Variants in ZHX2 observed in about 807,000 individuals in gnomAD.
ZHX2 encodes the protein zinc fingers and homeoboxes protein 2.
Under a neutral mutation model 21.9 loss-of-function variants are expected in ZHX2, and 6 were observed. The ratio of observed to expected loss-of-function variants is 0.27; its 90% confidence interval spans 0.15 to 0.54. The LOEUF (loss-of-function observed/expected upper bound fraction) is 0.54. Ranked by LOEUF, ZHX2 falls within the 20% of genes least tolerant of loss-of-function variation. The pLI, the probability that ZHX2 is intolerant of heterozygous loss-of-function variation, is 0.95. For missense variants in ZHX2, 908 were observed against 1,090.7 expected (o/e 0.83, Z 2.36); for synonymous variants, 434 against 437.1 (o/e 0.99, Z 0.09).
At chr8:122,872,759 T>A (rs1035238632) in intron 2 of ZHX2, among the ~76,000 whole-genome samples, 1 of 152,196 alleles carries the variant, frequency 6.6e-6, no homozygotes, top group Non-Finnish European at 1.5e-5. Flanking sequence ...GGCGGTTCGT[T>A]CGTGTAATTG....
At chr8:122,937,164 G>A (rs200990678) in intron 2 of ZHX2, among the ~76,000 whole-genome samples, 1 of 152,244 alleles carries the variant, frequency 6.6e-6, no homozygotes, top group East Asian at 1.9e-4. Context: ...ACTCACTGCA[G>A]TTGTGGAGGA....
At chr8:122,845,115 T>C (rs1818726061) in intron 1 of ZHX2, among the ~76,000 whole-genome samples, 1 of 152,222 alleles carries the variant, frequency 6.6e-6, no homozygotes, top group Non-Finnish European at 1.5e-5. Flanking sequence ...TGGAATTTTA[T>C]TTCTCACCAG....
chr8:122,894,654 G>A (rs1388479678), intron 2 of ZHX2, among the ~76,000 whole-genome samples: 6 of 152,100 alleles, frequency 3.9e-5, no homozygotes, highest in Non-Finnish European at 2.9e-5. Flanking sequence ...TATGGGGTGC[G>A]GGGAGCGGGG....
intron 2 of ZHX2, among the ~76,000 whole-genome samples, chr8:122,937,136 G>A (rs1320011775): frequency 6.6e-6 from 1 of 152,238 alleles, no homozygotes; most frequent in Non-Finnish European, 1.5e-5. Flanking sequence ...GAGGCCCAGG[G>A]CTCAGGCCAG....
intron 2 of ZHX2, among the ~76,000 whole-genome samples, chr8:122,931,229 C>T (rs985614922): frequency 2.6e-5 from 4 of 152,200 alleles, no homozygotes; most frequent in Admixed American, 6.5e-5. Context: ...TGAGGCTCCA[C>T]GCCTGGCGCC....
intron 2 of ZHX2, among the ~76,000 whole-genome samples, chr8:122,883,074 T>C (rs1352808731): frequency 1.3e-5 from 2 of 152,136 alleles, no homozygotes; most frequent in Non-Finnish European, 2.9e-5. Flanking sequence ...ATGTCCAGAC[T>C]CTTTTCTCTG....
intron 3 of ZHX2, among the ~76,000 whole-genome samples, chr8:122,968,843 A>G (rs966853507): frequency 3.4e-4 from 5 of 14,646 alleles, no homozygotes; most frequent in South Asian, 3.7e-3. Flanking sequence ...CCATCTTGGA[A>G]AAAAAAAAAA....
intron 3 of ZHX2, among the ~76,000 whole-genome samples, chr8:122,963,513 T>G (rs1813508537): frequency 6.6e-6 from 1 of 152,246 alleles, no homozygotes; most frequent in Non-Finnish European, 1.5e-5. Context: ...TATGCTGTTT[T>G]GGTAACTATA....
At chr8:122,806,819 C>T (rs1480081380) in intron 1 of ZHX2, among the ~76,000 whole-genome samples, 2 of 152,220 alleles carry the variant, frequency 1.3e-5, no homozygotes, top group Non-Finnish European at 2.9e-5. Context: ...CCCACATCAC[C>T]CTCATTTATG....
At chr8:122,918,013 C>T (rs1820645552) in intron 2 of ZHX2, among the ~76,000 whole-genome samples, 1 of 152,174 alleles carries the variant, frequency 6.6e-6, no homozygotes, top group Admixed American at 6.5e-5. Context: ...CCTTTCATAG[C>T]CCTCAAGACT....
chr8:122,862,806 C>T (rs1819198324), intron 1 of ZHX2, among the ~76,000 whole-genome samples: 1 of 152,216 alleles, frequency 6.6e-6, no homozygotes, highest in Non-Finnish European at 1.5e-5. Context: ...GCGGCAGCTC[C>T]CTGGCTCGGT....
chr8:122,844,636 G>C (rs551095386), intron 1 of ZHX2, among the ~76,000 whole-genome samples: 31 of 152,272 alleles, frequency 2.0e-4, no homozygotes, highest in African/African-American at 7.0e-4. Context: ...AGACTTCTGG[G>C]AATCTTTCTA....
chr8:122,969,585 A>G (rs1813669486), intron 3 of ZHX2, among the ~76,000 whole-genome samples: 1 of 152,248 alleles, frequency 6.6e-6, no homozygotes, highest in Non-Finnish European at 1.5e-5. Context: ...GCAACCAGAA[A>G]GAAAAGACGT....
intron 2 of ZHX2, among the ~76,000 whole-genome samples, chr8:122,864,796 C>T (rs1819246282): frequency 6.6e-6 from 1 of 152,188 alleles, no homozygotes; most frequent in Non-Finnish European, 1.5e-5. Flanking sequence ...AAAAATTGCA[C>T]TCCAGACACA....
intron 1 of ZHX2, among the ~76,000 whole-genome samples, chr8:122,796,984 G>C (rs1345310076): frequency 6.6e-6 from 1 of 152,242 alleles, no homozygotes; most frequent in Middle Eastern, 3.4e-3. Context: ...CCGGCCAGGG[G>C]GTTCCTTGGC....
At chr8:122,848,766 G>A (rs190708203) in intron 1 of ZHX2, among the ~76,000 whole-genome samples, 4 of 152,342 alleles carry the variant, frequency 2.6e-5, no homozygotes, top group African/African-American at 9.6e-5. Context: ...CTAGTTGGCT[G>A]GCAGCGGTTC....
intron 2 of ZHX2, among the ~76,000 whole-genome samples, chr8:122,883,148 C>T (rs1285765156): frequency 6.6e-6 from 1 of 152,184 alleles, no homozygotes; most frequent in East Asian, 1.9e-4. Context: ...TTCCCACATC[C>T]CCTCATCTGC....
At chr8:122,867,687 G>C (rs1397441542) in intron 2 of ZHX2, among the ~76,000 whole-genome samples, 2 of 152,130 alleles carry the variant, frequency 1.3e-5, no homozygotes, top group African/African-American at 4.8e-5. Context: ...TGTAAAATGG[G>C]GAAATAATAC....
At chr8:122,923,917 C>A (rs1387331542) in intron 2 of ZHX2, among the ~76,000 whole-genome samples, 1 of 152,204 alleles carries the variant, frequency 6.6e-6, no homozygotes, top group African/African-American at 2.4e-5. Context: ...AGCATTTATA[C>A]ATCAAATTTG....
Sources: allele counts gnomAD v4.1 joint callset (sites outside exome capture counted in the v4.1 genomes callset), GRCh38; gene constraint gnomAD v4.1.1; transcripts MANE v1.5; gene names NCBI Gene and HGNC (gene_info 2026-07-23, HGNC 2026-07-21).